Variants in GPC1 observed in about 807,000 individuals in gnomAD.
GPC1 encodes glypican 1.
GPC1 carries 26 observed loss-of-function variants against 51.5 expected under a neutral mutation model. The ratio of observed to expected loss-of-function variants is 0.50; its 90% CI spans 0.37 to 0.70. The LOEUF is 0.70. GPC1 is among the 30% of genes least tolerant of loss of function. GPC1 has a pLI of 0.00. For missense variants in GPC1, 775 were observed against 800.5 expected (o/e 0.97, Z 0.38); for synonymous variants, 380 against 348.3 (o/e 1.09, Z -1.01).
chr2:240,453,610 C>T (rs1269518098), intron 1 of GPC1, among the ~76,000 whole-genome samples: 2 of 141,480 alleles, frequency 1.4e-5, no homozygotes, highest in African/African-American at 5.2e-5. Flanking sequence ...GCGGCGCCCC[C>T]CTCCCCTCGC....
intron 1 of GPC1, among the ~76,000 whole-genome samples, chr2:240,437,077 A>C (rs2073989017): frequency 6.6e-6 from 1 of 152,232 alleles, no homozygotes. Flanking sequence ...GTGGGCAAGA[A>C]CAAAACAGAC....
intron 1 of GPC1, among the ~76,000 whole-genome samples, chr2:240,437,920 GAA>G (rs2073994146): frequency 6.6e-6 from 1 of 152,246 alleles, no homozygotes; most frequent in Non-Finnish European, 1.5e-5. Flanking sequence ...CCAAGGGTGA[GAA>G]GAGAGGGCAG....
intron 1 of GPC1, chr2:240,457,615 A>G (rs2074178806): frequency 2.6e-6 from 1 of 386,124 alleles, no homozygotes; most frequent in East Asian, 7.5e-5. Context: ...CAGTGGGGCT[A>G]CAGATCCCTG....
chr2:240,454,311 G>A (rs1010043234), intron 1 of GPC1, among the ~76,000 whole-genome samples: 5 of 152,320 alleles, frequency 3.3e-5, no homozygotes, highest in African/African-American at 1.2e-4. Context: ...TGGGCAGTGG[G>A]TGGTCCCCAG....
intron 1 of GPC1, among the ~76,000 whole-genome samples, chr2:240,457,681 G>GC (rs1480993758): frequency 2.0e-5 from 3 of 152,154 alleles, no homozygotes; most frequent in Non-Finnish European, 4.4e-5. Context: ...ACAGCCTCGA[G>GC]CCAGGTGCCT....
chr2:240,450,682 TG>T (rs563795742), intron 1 of GPC1: 8 of 469,478 alleles, frequency 1.7e-5, no homozygotes, highest in African/African-American at 8.0e-5. Flanking sequence ...GGTGCTGGCT[TG>T]GGGGGGTGTG....
intron 1 of GPC1, among the ~76,000 whole-genome samples, chr2:240,455,506 G>A (rs1324411288): frequency 6.6e-6 from 1 of 152,194 alleles, no homozygotes; most frequent in African/African-American, 2.4e-5. Flanking sequence ...CACCCCCTAG[G>A]TTGGAAAATG....
At chr2:240,456,724 G>A (rs1015567901) in intron 1 of GPC1, 1 of 434,826 alleles carries the variant, frequency 2.3e-6, no homozygotes, top group Admixed American at 2.6e-5. Flanking sequence ...CAGGCCCCAG[G>A]AAAGGACCCG....
intron 1 of GPC1, among the ~76,000 whole-genome samples, chr2:240,454,070 G>T (rs1214273795): frequency 6.6e-6 from 1 of 151,308 alleles, no homozygotes; most frequent in African/African-American, 2.4e-5. Flanking sequence ...TGGCGGGGGG[G>T]CTTCGGGCAG....
chr2:240,462,089 T>C, intron 2 of GPC1, 102 bp from the exon 3 acceptor site: 1 of 1,168,360 alleles, frequency 8.6e-7, no homozygotes, highest in Middle Eastern at 3.0e-4. Flanking sequence ...GTCCTCAGAG[T>C]GTATCCTCAG....
chr2:240,453,030 C>T (rs1198077458), intron 1 of GPC1: 2 of 345,366 alleles, frequency 5.8e-6, no homozygotes, highest in South Asian at 2.0e-5. Flanking sequence ...GGGGGTCCCG[C>T]GTCCGCCGCC....
At chr2:240,449,758 T>C (rs1021221078) in intron 1 of GPC1, 7 of 453,500 alleles carry the variant, frequency 1.5e-5, no homozygotes, top group African/African-American at 4.0e-5. Context: ...TCAGTCTCTA[T>C]GAATCCGACT....
intron 1 of GPC1, chr2:240,457,440 C>T (rs1305961923): frequency 1.1e-5 from 5 of 470,658 alleles, no homozygotes; most frequent in Non-Finnish European, 2.2e-5. Context: ...GATCAGCAAA[C>T]TCAGTCTGAC....
rs2074274877 is a variant in GPC1, at chr2:240,467,520, CCTT to C, written c.*1232_*1234del. 6.6e-6 allele frequency: 1 copy of C among 152,314 alleles called. No individual in the cohort carries two copies. Among genetic ancestry groups the C allele is most frequent in the Non-Finnish European group, 1.5e-5 (1 of 68,108 alleles). The allele number at this position is 152,314 out of a possible 1,614,324, so 9.4% of individuals were successfully genotyped here. A position where few individuals can be genotyped will look rare whatever the true frequency, so the allele number is the denominator to read the frequency against. On this transcript the variant is annotated 3_prime_UTR_variant, in exon 9 of 9. Coordinates refer to ENST00000264039, the MANE Select transcript of GPC1 (RefSeq NM_002081.3). ...CCTGCCCCAGGCCTGGACGGGCCCT[CCTT>C]CCCTCCTGTGCCCCAGCTGCCAGGC...
chr2:240,461,596 C>T (rs939650380), intron 2 of GPC1, among the ~76,000 whole-genome samples: 3 of 152,104 alleles, frequency 2.0e-5, no homozygotes, highest in African/African-American at 7.2e-5. Flanking sequence ...CTGCAGGAGG[C>T]CCCCCAGAGC....
rs926778386 is a variant in GPC1, at chr2:240,448,153, A to G, written c.167-10877A>G. Among the ~76,000 whole-genome samples, 2 of 152,098 alleles carry G rather than the reference A, an allele frequency of 1.3e-5. No individual in the cohort carries two copies. The highest frequency in any genetic ancestry group is 1.3e-4 in the Admixed American group (2 of 15,266). The stretch of plus-strand genomic sequence containing the variant: ...GGGTGGAGAGTTCAGGAGGCACCGC[A>G]GGCCCTGTGGAGAGGCAGGAAGGGC... On this transcript the variant is annotated intron_variant, in intron 1 of 8. Coordinates refer to ENST00000264039, the MANE Select transcript of GPC1 (RefSeq NM_002081.3). The surrounding 1 kb of genome is among the most constrained non-coding windows in gnomAD (Gnocchi z 4.5).
intron 1 of GPC1, among the ~76,000 whole-genome samples, chr2:240,456,292 C>T (rs1295659839): frequency 6.6e-6 from 1 of 152,066 alleles, no homozygotes; most frequent in Non-Finnish European, 1.5e-5. Flanking sequence ...CTCCATGCCT[C>T]TCGTCAGCCT....
chr2:240,458,030 G>C (rs1185359762), intron 1 of GPC1: 2 of 470,776 alleles, frequency 4.2e-6, no homozygotes, highest in South Asian at 3.1e-5. Context: ...AGAAGGAACA[G>C]TGTGGCCCCG....
chr2:240,453,586 C>T (rs1373190237), intron 1 of GPC1, among the ~76,000 whole-genome samples: 12 of 141,054 alleles, frequency 8.5e-5, no homozygotes, highest in Non-Finnish European at 1.7e-4. Context: ...CGACAAGCCC[C>T]TTCCCCGCCA....
Sources: allele counts gnomAD v4.1 joint callset (sites outside exome capture counted in the v4.1 genomes callset), GRCh38; gene constraint gnomAD v4.1.1; non-coding constraint Gnocchi (gnomAD v3.1); transcripts MANE v1.5; gene names NCBI Gene and HGNC (gene_info 2026-07-23, HGNC 2026-07-21).